SYBU: variants seen among roughly 807,000 people sequenced by gnomAD.
SYBU encodes the protein GOLSYN A protein.
Under a neutral mutation model 35.9 loss-of-function variants are expected in SYBU, and 21 were observed. The ratio of observed to expected loss-of-function variants is 0.58; its 90% CI spans 0.41 to 0.84. The LOEUF (loss-of-function observed/expected upper bound fraction) is 0.84, where lower values mean the gene tolerates loss of function less well. Ranked by LOEUF, SYBU falls within the 40% of genes least tolerant of loss-of-function variation. SYBU has a pLI of 0.00. For synonymous variants in SYBU, 319 were observed against 324.3 expected (o/e 0.98, Z 0.18); for missense variants, 768 against 848.2 (o/e 0.91, Z 1.17).
intron 3 of SYBU, among the ~76,000 whole-genome samples, chr8:109,615,874 C>T (rs887547076): frequency 6.6e-6 from 1 of 151,934 alleles, no homozygotes; most frequent in Non-Finnish European, 1.5e-5. Flanking sequence ...AGTATGGGTC[C>T]ATAGTTTTAA....
chr8:109,574,941 A>C lies in SYBU; in HGVS notation c.1957T>G (p.Ser653Ala). The C allele has an allele frequency of 3.3e-6, 5 of 1,517,456 alleles. No homozygotes were observed. Among genetic ancestry groups the C allele is most frequent in the Non-Finnish European group, 4.4e-6 (5 of 1,133,570 alleles). The allele number at this position is 1,517,456 out of a possible 1,614,324, so 94.0% of individuals were successfully genotyped here. A position where few individuals can be genotyped will look rare whatever the true frequency, so the allele number is the denominator to read the frequency against. Residue 653 changes from serine to alanine, a missense_variant, in exon 7 of 7, where the codon TCG (serine) becomes GCG (alanine). Ser to Ala is a moderately conservative substitution (Grantham distance 99). Coordinates refer to ENST00000276646, the MANE Select transcript of SYBU (RefSeq NM_001099754.2). ...LRGCCVVALH[S>A]LRRTAFRIKT is the part of the protein sequence containing the mutation. The stretch of plus-strand genomic sequence containing the variant: ...ATACGGAAGGCGGTGCGGCGGAGCG[A>C]ATGCAGGGCAACCACGCAACAGCCC...
upstream of SYBU, chr8:109,681,039 G>A (rs1817383365): frequency 6.6e-6 from 1 of 152,220 alleles, no homozygotes; most frequent in African/African-American, 2.4e-5. Flanking sequence ...TTTCCCTTGT[G>A]CACTAGTAAA....
intron 1 of SYBU, among the ~76,000 whole-genome samples, chr8:109,665,614 A>G (rs142662210): frequency 6.6e-6 from 1 of 152,360 alleles, no homozygotes; most frequent in Admixed American, 6.5e-5. Context: ...ATTTAAATGA[A>G]TGACCATGAA....
intron 4 of SYBU, chr8:109,581,095 C>T (rs1385424179): frequency 6.6e-6 from 1 of 152,226 alleles, no homozygotes; most frequent in Non-Finnish European, 1.5e-5. Flanking sequence ...AAACTCTGTG[C>T]AAACTTCTAC....
intron 1 of SYBU, among the ~76,000 whole-genome samples, chr8:109,658,017 A>G (rs61437630): frequency 0.12 from 18,912 of 152,218 alleles, 3,288 homozygotes; most frequent in African/African-American, 0.39. Context: ...ACTGAAAGAC[A>G]CTATCTGTGG....
chr8:109,683,516 C>T (rs1817452627), upstream of SYBU, among the ~76,000 whole-genome samples: 1 of 152,150 alleles, frequency 6.6e-6, no homozygotes, highest in Non-Finnish European at 1.5e-5. Context: ...AAGTAACTTA[C>T]TTGCTTTTAA....
At chr8:109,614,184 C>A (rs1811487445) in intron 3 of SYBU, among the ~76,000 whole-genome samples, 1 of 152,214 alleles carries the variant, frequency 6.6e-6, no homozygotes, top group Admixed American at 6.5e-5. Flanking sequence ...ATCTCTCTAA[C>A]CTTGTGGACA....
chr8:109,644,684 G>C lies in SYBU; in HGVS notation c.-25C>G, dbSNP rs1361769037. The C allele has an allele frequency of 1.3e-6, 2 of 1,506,628 alleles. No homozygotes were observed. Among genetic ancestry groups the C allele is most frequent in the Admixed American group, 2.1e-5 (1 of 47,540 alleles). 93.3% of individuals were successfully genotyped at this position (1,506,628 alleles called of 1,614,324 possible). On this transcript the variant is annotated 5_prime_UTR_variant, in exon 1 of 7. Coordinates refer to ENST00000276646, the MANE Select transcript of SYBU (RefSeq NM_001099754.2). ...TCGCGCCGCTGCCCGCCGGCTCCTC[G>C]CGCCGCCGCTGCCGCCGTCCAGGAG...
In SYBU at chr8:109,574,617, T is replaced by A. The variant is rs891403888; in HGVS notation, c.*289A>T. On this transcript the variant is annotated 3_prime_UTR_variant, in exon 7 of 7. Coordinates refer to ENST00000276646, the MANE Select transcript of SYBU (RefSeq NM_001099754.2). Reference sequence around the variant, plus strand: ...TGTCTTGAAAGTGCAAACTGCGTTTTCTCTTCCTGAACCACTAGGATAAGA... The same window carrying A: ...TGTCTTGAAAGTGCAAACTGCGTTTACTCTTCCTGAACCACTAGGATAAGA... 3.2e-6 allele frequency: 1 copy of A among 311,502 alleles called. No homozygotes were observed. Among genetic ancestry groups the A allele is most frequent in the East Asian group, 5.1e-5 (1 of 19,534 alleles). 19.3% of individuals were successfully genotyped at this position (311,502 alleles called of 1,614,324 possible).
chr8:109,678,677 G>T (rs1479995352), intron 1 of SYBU, among the ~76,000 whole-genome samples: 1 of 152,024 alleles, frequency 6.6e-6, no homozygotes, highest in Non-Finnish European at 1.5e-5. Flanking sequence ...CTGACATCGT[G>T]ATCCACCCGC....
At position 109,644,751 on chromosome 8, in the gene SYBU, GGC is replaced by G; in HGVS notation, c.-94_-93del. On this transcript the variant is annotated 5_prime_UTR_variant, in exon 1 of 7. Coordinates refer to ENST00000276646, the MANE Select transcript of SYBU (RefSeq NM_001099754.2). ...CGGAGCGAGGAGACTGCGCTGAGCC[GGC>G]GCGGGCTGCGGGCGGCGGCTCTTGG... The G allele has an allele frequency of 8.0e-7, 1 of 1,243,064 alleles. No homozygotes were observed. The highest frequency in any genetic ancestry group is 3.2e-5 in the East Asian group (1 of 31,274). 77.0% of individuals were successfully genotyped at this position (1,243,064 alleles called of 1,614,324 possible).
At chr8:109,681,837 G>A (rs991515410), upstream of SYBU, among the ~76,000 whole-genome samples, 1 of 152,158 alleles carries the variant, frequency 6.6e-6, no homozygotes, top group African/African-American at 2.4e-5. Context: ...GGAGGGGCCT[G>A]GTGGGAGGTA....
At chr8:109,601,875 C>A (rs1825568847) in intron 3 of SYBU, among the ~76,000 whole-genome samples, 1 of 152,068 alleles carries the variant, frequency 6.6e-6, no homozygotes, top group Non-Finnish European at 1.5e-5. Context: ...ATGCTATGGG[C>A]AAGAGGGAAC....
intron 1 of SYBU, among the ~76,000 whole-genome samples, chr8:109,678,737 C>A (rs1013382998): frequency 3.9e-5 from 6 of 152,074 alleles, no homozygotes; most frequent in Admixed American, 3.9e-4. Context: ...GCATGCCCAG[C>A]TTCAAATAAC....
intron 1 of SYBU, among the ~76,000 whole-genome samples, chr8:109,672,194 C>T (rs931500342): frequency 7.2e-5 from 11 of 152,108 alleles, no homozygotes; most frequent in Admixed American, 5.2e-4. Flanking sequence ...AGCCACCAAG[C>T]CCAGCCAAAA....
Position 109,691,221 on chromosome 8 carries a change from T to C in SYBU, c.-58+112A>G. On this transcript the variant is annotated intron_variant, in intron 1 of 7. Transcript: ENST00000422135. The surrounding 1 kb of genome is among the most constrained non-coding windows in gnomAD (Gnocchi z 4.7). Reference sequence around the variant, plus strand: ...ATACCTCCCGCATTGGAAAGGGTGGTCCTGGGGTCCGGAGCGCCCCATCAC... The same window carrying C: ...ATACCTCCCGCATTGGAAAGGGTGGCCCTGGGGTCCGGAGCGCCCCATCAC... 1.6e-6 allele frequency: 1 copy of C among 644,308 alleles called. No individual in the cohort carries two copies. The highest frequency in any genetic ancestry group is 1.7e-5 in the South Asian group (1 of 59,774). The allele number at this position is 644,308 out of a possible 1,614,324, so 39.9% of individuals were successfully genotyped here. A position where few individuals can be genotyped will look rare whatever the true frequency, so the allele number is the denominator to read the frequency against.
At chr8:109,671,753 A>G (rs1397637190) in intron 1 of SYBU, among the ~76,000 whole-genome samples, 1 of 152,220 alleles carries the variant, frequency 6.6e-6, no homozygotes, top group East Asian at 1.9e-4. Flanking sequence ...ATTTAGGCCT[A>G]TGACTTAATA....
At chr8:109,629,967 C>T (rs1023094210) in intron 2 of SYBU, among the ~76,000 whole-genome samples, 15 of 151,838 alleles carry the variant, frequency 9.9e-5, no homozygotes, top group African/African-American at 3.6e-4. Context: ...CTGTTCATGT[C>T]CTTTGCCCAC....
chr8:109,654,049 A>AT (rs139761673), intron 1 of SYBU, among the ~76,000 whole-genome samples: 76 of 151,604 alleles, frequency 5.0e-4, no homozygotes, highest in South Asian at 2.3e-3. Flanking sequence ...AACGTTAGCT[A>AT]TTTTTTTTTA....
Sources: allele counts gnomAD v4.1 joint callset (sites outside exome capture counted in the v4.1 genomes callset), GRCh38; gene constraint gnomAD v4.1.1; non-coding constraint Gnocchi (gnomAD v3.1); transcripts MANE v1.5; gene names NCBI Gene and HGNC (gene_info 2026-07-23, HGNC 2026-07-21).